The following SMPD3 variants were observed in gnomAD, a reference collection of about 807,000 sequenced individuals.
SMPD3 encodes nSMase-2.
Under a neutral mutation model 55.7 loss-of-function variants are expected in SMPD3, and 21 were observed. The observed-to-expected ratio is 0.38, with a 90% CI of 0.27 to 0.54. The LOEUF (loss-of-function observed/expected upper bound fraction) is 0.54, where lower values mean the gene tolerates loss of function less well. Among genes scored for constraint, SMPD3 ranks in the 20% least tolerant of loss-of-function variants. SMPD3 has a pLI of 0.80. For missense variants in SMPD3, 842 were observed against 899.6 expected, an observed-to-expected ratio of 0.94 and a Z score of 0.82; for synonymous variants, 457 against 404.3, an observed-to-expected ratio of 1.13 and a Z score of -1.56.
At chr16:68,392,230 C>T (rs1286406245) in intron 1 of SMPD3, among the ~76,000 whole-genome samples, 1 of 152,160 alleles carries the variant, frequency 6.6e-6, no homozygotes, top group Non-Finnish European at 1.5e-5. Context: ...AAGTAATAGA[C>T]ATTCCATAGA....
chr16:68,415,271 A>G (rs2090330658), intron 1 of SMPD3, among the ~76,000 whole-genome samples: 1 of 152,110 alleles, frequency 6.6e-6, no homozygotes, highest in South Asian at 2.1e-4. Context: ...GTTTGTGGAG[A>G]AACCCAAGGA....
chr16:68,372,910 C>T (rs1189023407), intron 2 of SMPD3, among the ~76,000 whole-genome samples: 1 of 152,194 alleles, frequency 6.6e-6, no homozygotes, highest in Non-Finnish European at 1.5e-5. Context: ...GCCAGAGACT[C>T]CTGGAGCAGA....
At chr16:68,428,418 C>T (rs992043844) in intron 1 of SMPD3, among the ~76,000 whole-genome samples, 1 of 152,242 alleles carries the variant, frequency 6.6e-6, no homozygotes, top group Non-Finnish European at 1.5e-5. Context: ...CTTCACCCCG[C>T]TCCTGCCCCA....
chr16:68,414,533 C>T (rs2090325005), intron 1 of SMPD3, among the ~76,000 whole-genome samples: 1 of 152,196 alleles, frequency 6.6e-6, no homozygotes, highest in African/African-American at 2.4e-5. Flanking sequence ...GTCAGATTTC[C>T]TGGTGGGAGA....
At chr16:68,375,768 G>T (rs2089796025) in intron 2 of SMPD3, among the ~76,000 whole-genome samples, 1 of 152,216 alleles carries the variant, frequency 6.6e-6, no homozygotes. Context: ...CTGGCCAGAG[G>T]ACTGTCTTTG....
chr16:68,405,689 C>A (rs922832669), intron 1 of SMPD3, among the ~76,000 whole-genome samples: 1 of 152,044 alleles, frequency 6.6e-6, no homozygotes. Context: ...AAGTCTCAGC[C>A]TGAAAGTCCT....
intron 1 of SMPD3, among the ~76,000 whole-genome samples, chr16:68,419,050 C>G (rs11648252): frequency 0.77 from 116,858 of 152,052 alleles, 45,158 homozygotes; most frequent in East Asian, 0.87. Context: ...CCAGTATGGT[C>G]TATTTGTAGA....
Position 68,371,123 on chromosome 16 carries a change from G to T in SMPD3, c.1059C>A (p.Phe353Leu). The T allele has an allele frequency of 6.2e-7, 1 of 1,613,998 alleles. No homozygotes were observed. The highest frequency in any genetic ancestry group is 1.1e-5 in the South Asian group (1 of 91,084). The change falls in exon 3 of 9, where the codon TTC (phenylalanine) becomes TTA (leucine). Residue 353 changes from phenylalanine to leucine, a missense_variant. Physicochemically the swap from Phe to Leu is conservative, Grantham distance 22. Coordinates refer to ENST00000219334, the MANE Select transcript of SMPD3 (RefSeq NM_018667.4). ...GGCACAGGAAGTCCAGGTTGGCGGGGAAGAAGGCGGAGACCTCATGGTCGA... is the reference window on the plus strand; with the variant it reads ...GGCACAGGAAGTCCAGGTTGGCGGGTAAGAAGGCGGAGACCTCATGGTCGA... ...EAFDHEVSAFFPANLDFLCLQ... is the reference protein window; with the variant it reads ...EAFDHEVSAFLPANLDFLCLQ...
chr16:68,402,002 C>T lies in SMPD3; in HGVS notation c.-268-15343G>A, dbSNP rs529249995. Among the ~76,000 whole-genome samples, 5 of 152,236 alleles carry T rather than the reference C, an allele frequency of 3.3e-5. No homozygotes were observed. The East Asian group carries it at 7.7e-4, about 24-fold the overall frequency. ...GCCACAAAGAGGCAACAAGGTTCTA[C>T]GGAATCCTACCCAGGCTTCCTTAGC... is the stretch of plus-strand genomic sequence containing the variant. On this transcript the variant is annotated intron_variant, in intron 1 of 8. Transcript: ENST00000219334.
chr16:68,387,830 G>C (rs1351310583), intron 1 of SMPD3, among the ~76,000 whole-genome samples: 1 of 152,212 alleles, frequency 6.6e-6, no homozygotes, highest in Non-Finnish European at 1.5e-5. Flanking sequence ...AAGTGTTTCA[G>C]AAGAATCTGA....
In SMPD3 at chr16:68,371,996, G is replaced by A; in HGVS notation, c.186C>T (p.Leu62=). The change falls in exon 3 of 9, where the codon CTC becomes CTT. Residue 62 remains leucine (L), a synonymous_variant. Transcript: ENST00000219334. Reference sequence around the variant, plus strand: ...GGAGGGCCAGGTAGATGGGCGTGAAGAGGGCAGTGCAGAGCAGCTGCAGGC... The same window carrying A: ...GGAGGGCCAGGTAGATGGGCGTGAAAAGGGCAGTGCAGAGCAGCTGCAGGC... The part of the protein sequence containing the change: ...PCCLQLLCTA[L]FTPIYLALLV... 3 of 1,612,266 alleles carry A rather than the reference G, an allele frequency of 1.9e-6. No homozygotes were observed. Among genetic ancestry groups the A allele is most frequent in the Non-Finnish European group, 2.5e-6 (3 of 1,179,514 alleles).
chr16:68,387,981 C>T (rs974827358), intron 1 of SMPD3, among the ~76,000 whole-genome samples: 1 of 152,184 alleles, frequency 6.6e-6, no homozygotes, highest in Non-Finnish European at 1.5e-5. Context: ...TAATGAGACC[C>T]GGTTCTGGTC....
At chr16:68,394,215 C>G (rs1006637592) in intron 1 of SMPD3, among the ~76,000 whole-genome samples, 4 of 152,136 alleles carry the variant, frequency 2.6e-5, no homozygotes, top group African/African-American at 9.7e-5. Flanking sequence ...TCTCTCTCTT[C>G]TAGGCCTACT....
chr16:68,368,756 G>A (rs2089562815), intron 3 of SMPD3: 1 of 152,532 alleles, frequency 6.6e-6, no homozygotes, highest in Non-Finnish European at 1.5e-5. Flanking sequence ...GGAAGCTGCA[G>A]AGTCTCACTC....
chr16:68,380,971 G>A (rs770073640), intron 2 of SMPD3, among the ~76,000 whole-genome samples: 3 of 152,186 alleles, frequency 2.0e-5, no homozygotes, highest in Non-Finnish European at 4.4e-5. Context: ...CAGAACAGAC[G>A]GGCTAACATT....
intron 1 of SMPD3, among the ~76,000 whole-genome samples, chr16:68,445,464 C>T (rs2090602458): frequency 6.6e-6 from 1 of 152,208 alleles, no homozygotes; most frequent in Admixed American, 6.5e-5. Context: ...AATTCCATGG[C>T]TTGAACTAGC....
chr16:68,372,049 T>G lies in SMPD3; in HGVS notation c.133A>C (p.Lys45Gln), dbSNP rs1445824887. ...AASFIPTTYE[K>Q]RQRADDPCCL... ...CACGGGTCGTCTGCCCGCTGGCGCT[T>G]CTCGTAGGTGGTGGGTATGAAGGAG... is the stretch of plus-strand genomic sequence containing the variant. Residue 45 changes from lysine to glutamine, a missense_variant, in exon 3 of 9, where the codon AAG (lysine) becomes CAG (glutamine). Transcript: ENST00000219334. 1 of 1,609,000 alleles carries G rather than the reference T, an allele frequency of 6.2e-7. No individual in the cohort carries two copies. Among genetic ancestry groups the G allele is most frequent in the Non-Finnish European group, 8.5e-7 (1 of 1,178,358 alleles).
At position 68,372,189 on chromosome 16, in the gene SMPD3, C is replaced by T; in HGVS notation, c.-8G>A. ...GGTCGTGTACAAAACCATCGCAGCT[C>T]ACTGGGCGCCGCAGCCGGCCCTACT... On this transcript the variant is annotated 5_prime_UTR_variant, in exon 3 of 9. Coordinates refer to ENST00000219334, the MANE Select transcript of SMPD3 (RefSeq NM_018667.4). The T allele has an allele frequency of 6.2e-7, 1 of 1,609,928 alleles. No homozygotes were observed. Among genetic ancestry groups the T allele is most frequent in the East Asian group, 2.2e-5 (1 of 44,646 alleles).
chr16:68,359,402 C>T lies in SMPD3; in HGVS notation c.*1804G>A. The T allele has an allele frequency of 6.6e-6, 1 of 152,648 alleles. No homozygotes were observed. The highest frequency in any genetic ancestry group is 1.9e-4 in the East Asian group (1 of 5,276). The allele number at this position is 152,648 out of a possible 1,614,324, so 9.5% of individuals were successfully genotyped here. On this transcript the variant is annotated 3_prime_UTR_variant, in exon 9 of 9. Transcript: ENST00000219334. ...GGCTCTGGACTCTGGAGGGGCAGGG[C>T]TTGGGCCCGGGCAGACGGTGCTTCC...
Sources: gnomAD v4.1 joint callset for allele counts (sites outside exome capture counted in the v4.1 genomes callset) on GRCh38, gnomAD v4.1.1 for gene constraint, MANE v1.5 for transcripts, NCBI Gene and HGNC (gene_info 2026-07-23, HGNC 2026-07-21) for gene names.